HYCC1: variants seen among roughly 807,000 people sequenced by gnomAD.
HYCC1 encodes hyccin PI4KA lipid kinase complex subunit 1, also known as hyccin.
chr7:23,006,979 T>C, the HYCC1 span, among the ~76,000 whole-genome samples: 5 of 152,178 alleles, frequency 3.3e-5, no homozygotes, highest in African/African-American at 1.2e-4. Context: ...GATTCAGGAA[T>C]GCAAATTGAT....
At chr7:22,917,816 G>C in the HYCC1 span, among the ~76,000 whole-genome samples, 2 of 152,072 alleles carry the variant, frequency 1.3e-5, no homozygotes, top group African/African-American at 2.4e-5. Context: ...CAGTGGCAAG[G>C]TACAATCCAA....
At chr7:23,000,980 T>A in the HYCC1 span, among the ~76,000 whole-genome samples, 1 of 152,220 alleles carries the variant, frequency 6.6e-6, no homozygotes, top group South Asian at 2.1e-4. Context: ...TCTGTATTAT[T>A]AATCTCTAAG....
At chr7:22,921,472 T>A in the HYCC1 span, among the ~76,000 whole-genome samples, 26 of 152,210 alleles carry the variant, frequency 1.7e-4, no homozygotes, top group Non-Finnish European at 2.9e-4. Context: ...CATAAAGTAA[T>A]AATTGTAACA....
the HYCC1 span, among the ~76,000 whole-genome samples, chr7:23,004,908 C>A: frequency 1.3e-5 from 2 of 152,066 alleles, no homozygotes; most frequent in Non-Finnish European, 2.9e-5. Context: ...CGGGTTCAAG[C>A]GATTCTCCTG....
At chr7:22,978,602 C>G in the HYCC1 span, among the ~76,000 whole-genome samples, 43 of 152,206 alleles carry the variant, frequency 2.8e-4, 1 homozygote, top group South Asian at 8.3e-3. Context: ...CTAAAATATC[C>G]TTTCTTCCTG....
At chr7:22,989,677 A>G in the HYCC1 span, among the ~76,000 whole-genome samples, 1 of 152,268 alleles carries the variant, frequency 6.6e-6, no homozygotes, top group Admixed American at 6.5e-5. Flanking sequence ...TAAAATATGT[A>G]GAAAGCACTT....
chr7:23,003,959 T>C, the HYCC1 span, among the ~76,000 whole-genome samples: 1 of 151,770 alleles, frequency 6.6e-6, no homozygotes, highest in Admixed American at 6.6e-5. Context: ...ATGAATATAG[T>C]TGTTTTTCTT....
At chr7:23,008,462 T>C in the HYCC1 span, among the ~76,000 whole-genome samples, 1 of 152,048 alleles carries the variant, frequency 6.6e-6, no homozygotes, top group Non-Finnish European at 1.5e-5. Flanking sequence ...ATAGAGATAG[T>C]ACAACTTTCT....
the HYCC1 span, chr7:22,942,170 T>A: frequency 6.6e-6 from 1 of 152,318 alleles, no homozygotes; most frequent in South Asian, 2.1e-4. Flanking sequence ...AAAACTGGGA[T>A]CATTTTGATC....
chr7:23,011,553 C>T, the HYCC1 span, among the ~76,000 whole-genome samples: 4 of 152,116 alleles, frequency 2.6e-5, no homozygotes, highest in Admixed American at 2.6e-4. Flanking sequence ...AAATACAAAT[C>T]CAATAAATGG....
the HYCC1 span, among the ~76,000 whole-genome samples, chr7:22,966,115 C>G: frequency 2.0e-5 from 3 of 152,116 alleles, no homozygotes; most frequent in African/African-American, 7.2e-5. Flanking sequence ...ACAACAGATG[C>G]AGCATAATCC....
the HYCC1 span, among the ~76,000 whole-genome samples, chr7:22,907,260 C>T: frequency 6.6e-6 from 1 of 151,988 alleles, no homozygotes; most frequent in Admixed American, 6.6e-5. Flanking sequence ...AACTAAGATG[C>T]CTGGATTTTT....
chr7:22,943,348 A>C, the HYCC1 span: 1 of 152,138 alleles, frequency 6.6e-6, no homozygotes, highest in Non-Finnish European at 1.5e-5. Context: ...TTGCACTCTG[A>C]TACTTTCTTC....
At chr7:22,916,149 T>C in the HYCC1 span, among the ~76,000 whole-genome samples, 2 of 152,168 alleles carry the variant, frequency 1.3e-5, no homozygotes, top group African/African-American at 2.4e-5. Context: ...CGCTCGCCTG[T>C]TACAGCATGG....
the HYCC1 span, among the ~76,000 whole-genome samples, chr7:22,926,566 A>C: frequency 6.6e-6 from 1 of 152,220 alleles, no homozygotes; most frequent in African/African-American, 2.4e-5. Flanking sequence ...TAAACCAACA[A>C]AGATCAAAAG....
the HYCC1 span, among the ~76,000 whole-genome samples, chr7:22,930,279 A>G: frequency 1.3e-5 from 2 of 151,218 alleles, no homozygotes; most frequent in Non-Finnish European, 2.9e-5. Context: ...CCAACATGGC[A>G]CATGTATACA....
At chr7:22,955,603 T>C in the HYCC1 span, among the ~76,000 whole-genome samples, 2 of 151,666 alleles carry the variant, frequency 1.3e-5, no homozygotes, top group Non-Finnish European at 3.0e-5. Context: ...ATCTCTTACA[T>C]TGTTCCAAGT....
chr7:22,906,532 C>G, the HYCC1 span, among the ~76,000 whole-genome samples: 195 of 150,548 alleles, frequency 1.3e-3, no homozygotes, highest in African/African-American at 4.5e-3. Context: ...GAGCCAAGAT[C>G]GCGCCACTGC....
chr7:22,996,692 A>G, the HYCC1 span, among the ~76,000 whole-genome samples: 1 of 151,702 alleles, frequency 6.6e-6, no homozygotes, highest in African/African-American at 2.4e-5. Flanking sequence ...TAAAGCTTAG[A>G]TAGGACAAAA....
Sources: allele counts gnomAD v4.1 joint callset (sites outside exome capture counted in the v4.1 genomes callset), GRCh38; gene constraint gnomAD v4.1.1; transcripts MANE v1.5; gene names NCBI Gene and HGNC (gene_info 2026-07-23, HGNC 2026-07-21).